MCC: variants seen among roughly 807,000 people sequenced by gnomAD.
MCC encodes the protein colorectal mutant cancer protein.
MCC carries 90 observed loss-of-function variants against 116.2 expected under a neutral mutation model. The observed-to-expected ratio is 0.77, with a 90% CI of 0.65 to 0.92. MCC has a LOEUF of 0.92. MCC is among the 40% of genes least tolerant of loss of function. The probability of loss-of-function intolerance (pLI) is 0.00; values close to 1 mark genes in which losing one functional copy is unlikely to be tolerated. For missense variants in MCC, 1,516 were observed against 1,312.2 expected (o/e 1.16, Z -2.40); for synonymous variants, 578 against 510.5 (o/e 1.13, Z -1.78).
intron 3 of MCC, among the ~76,000 whole-genome samples, chr5:113,241,014 C>T (rs1764343480): frequency 6.6e-6 from 1 of 152,190 alleles, no homozygotes; most frequent in South Asian, 2.1e-4. Flanking sequence ...CAGCCAGATC[C>T]TCTGGATGTC....
chr5:113,240,496 C>T (rs188770077), intron 3 of MCC, among the ~76,000 whole-genome samples: 1 of 152,266 alleles, frequency 6.6e-6, no homozygotes, highest in East Asian at 1.9e-4. Flanking sequence ...GGACATAAGT[C>T]GATGGCATGA....
chr5:113,156,626 TTAA>T (rs1368705482), intron 3 of MCC, among the ~76,000 whole-genome samples: 2 of 152,192 alleles, frequency 1.3e-5, no homozygotes, highest in African/African-American at 4.8e-5. Context: ...CTGTGAAATT[TTAA>T]CATGAGGCCT....
At chr5:113,085,389 G>A (rs1019003880) in intron 8 of MCC, 79 bp from the exon 9 acceptor site, 2 of 1,420,128 alleles carry the variant, frequency 1.4e-6, no homozygotes, top group Non-Finnish European at 1.9e-6. Flanking sequence ...TAGGTGGTGG[G>A]GCTTTCATTT....
chr5:113,058,800 G>A (rs1254670579), intron 14 of MCC, among the ~76,000 whole-genome samples: 1 of 152,232 alleles, frequency 6.6e-6, no homozygotes, highest in African/African-American at 2.4e-5. Context: ...CCTGAAGCAG[G>A]CAGCTGGTGC....
At chr5:113,223,090 C>G (rs115206939) in intron 3 of MCC, among the ~76,000 whole-genome samples, 1 of 152,100 alleles carries the variant, frequency 6.6e-6, no homozygotes, top group Non-Finnish European at 1.5e-5. Flanking sequence ...GACGGTGACA[C>G]ACGTATAAAA....
At chr5:113,100,099 G>A (rs1274774538) in intron 8 of MCC, among the ~76,000 whole-genome samples, 2 of 152,188 alleles carry the variant, frequency 1.3e-5, no homozygotes, top group East Asian at 3.8e-4. Context: ...CGATATAGCT[G>A]CATACTGAAA....
intron 3 of MCC, among the ~76,000 whole-genome samples, chr5:113,276,978 A>T (rs934706252): frequency 1.3e-5 from 2 of 151,966 alleles, no homozygotes; most frequent in East Asian, 3.9e-4. Flanking sequence ...ATATCAAGGA[A>T]AACTTGAAAA....
intron 3 of MCC, among the ~76,000 whole-genome samples, chr5:113,163,052 A>G (rs944921496): frequency 2.0e-5 from 3 of 152,198 alleles, no homozygotes; most frequent in African/African-American, 7.2e-5. Context: ...CCAGCAGGTA[A>G]GCAGGCAAAC....
chr5:113,068,831 A>T (rs1753814771), intron 12 of MCC, among the ~76,000 whole-genome samples: 1 of 152,208 alleles, frequency 6.6e-6, no homozygotes, highest in South Asian at 2.1e-4. Flanking sequence ...GTCTCAGATG[A>T]TACAGCCCTG....
At chr5:113,191,297 G>A (rs757532757) in intron 3 of MCC, among the ~76,000 whole-genome samples, 61 of 152,252 alleles carry the variant, frequency 4.0e-4, no homozygotes, top group Admixed American at 1.0e-3. Flanking sequence ...GTGAGCCTGG[G>A]CTTTCCTTCT....
chr5:113,401,251 G>T (rs1329171710), intron 1 of MCC, among the ~76,000 whole-genome samples: 2 of 152,114 alleles, frequency 1.3e-5, no homozygotes, highest in Non-Finnish European at 2.9e-5. Context: ...GTAAAAAGAT[G>T]TATATTACAA....
chr5:113,196,069 G>A (rs559008011), intron 3 of MCC, among the ~76,000 whole-genome samples: 16 of 152,306 alleles, frequency 1.1e-4, no homozygotes, highest in African/African-American at 2.9e-4. Context: ...CATTCTTTTC[G>A]ATTGTTTACT....
At chr5:113,228,629 C>T (rs1048802433) in intron 3 of MCC, among the ~76,000 whole-genome samples, 1 of 152,070 alleles carries the variant, frequency 6.6e-6, no homozygotes, top group Non-Finnish European at 1.5e-5. Flanking sequence ...ACTTTCAGGA[C>T]TTAAGAGGCT....
intron 1 of MCC, among the ~76,000 whole-genome samples, chr5:113,446,717 C>A (rs1363893040): frequency 6.6e-6 from 1 of 152,134 alleles, no homozygotes; most frequent in Non-Finnish European, 1.5e-5. Flanking sequence ...CCATTACATG[C>A]CACATGTTCT....
intron 2 of MCC, among the ~76,000 whole-genome samples, chr5:113,376,574 T>TACACACACACACACACAC (rs1554079796): frequency 6.2e-5 from 9 of 145,774 alleles, no homozygotes; most frequent in African/African-American, 1.5e-4. Context: ...CCATATTTTA[T>TACACACACACACACACAC]ACACACACAC....
At chr5:113,422,939 G>A (rs1049011484) in intron 1 of MCC, among the ~76,000 whole-genome samples, 3 of 152,166 alleles carry the variant, frequency 2.0e-5, no homozygotes, top group Non-Finnish European at 4.4e-5. Context: ...AGATCCCCAT[G>A]ACTCATGGAT....
At chr5:113,108,437 G>A (rs73237129) in intron 6 of MCC, among the ~76,000 whole-genome samples, 11,619 of 150,142 alleles carry the variant, frequency 0.077, 1,287 homozygotes, top group African/African-American at 0.25. Context: ...GGCAGATCAC[G>A]AGGTCAGGAG....
At chr5:113,039,666 C>G (rs1751554591) in intron 17 of MCC, among the ~76,000 whole-genome samples, 1 of 152,002 alleles carries the variant, frequency 6.6e-6, no homozygotes, top group African/African-American at 2.4e-5. Flanking sequence ...CACTGCCTCA[C>G]TGTGTGACCT....
chr5:113,097,657 G>C (rs1756109491), intron 8 of MCC, among the ~76,000 whole-genome samples: 1 of 152,238 alleles, frequency 6.6e-6, no homozygotes, highest in East Asian at 1.9e-4. Context: ...GGCCAAATGA[G>C]GCTAAAAGAG....
Sources: gnomAD v4.1 joint callset for allele counts (sites outside exome capture counted in the v4.1 genomes callset) on GRCh38, gnomAD v4.1.1 for gene constraint, MANE v1.5 for transcripts, NCBI Gene and HGNC (gene_info 2026-07-23, HGNC 2026-07-21) for gene names.